POLE: variants seen among roughly 807,000 people sequenced by gnomAD.
POLE encodes DNA polymerase epsilon, catalytic subunit.
In POLE, 188 loss-of-function variants were observed where a neutral mutation model predicts 279.2. The observed-to-expected ratio is 0.67, with a 90% CI of 0.60 to 0.76. The LOEUF (loss-of-function observed/expected upper bound fraction) is 0.76. Ranked by LOEUF, POLE falls within the 30% of genes least tolerant of loss-of-function variation. The pLI, the probability that POLE is intolerant of heterozygous loss-of-function variation, is 0.00. For missense variants in POLE, 2,703 were observed against 3,016.7 expected (o/e 0.90, Z 2.44); for synonymous variants, 1,214 against 1,172.5 (o/e 1.04, Z -0.72).
rs768950827 is a variant in POLE, at chr12:132,665,283, C to T, written c.2468+19G>A. The T allele has an allele frequency of 1.7e-5, 28 of 1,609,410 alleles. No individual in the cohort carries two copies. Among genetic ancestry groups the T allele is most frequent in the Admixed American group, 3.3e-5 (2 of 59,876 alleles). On this transcript the variant is annotated intron_variant, in intron 21 of 48. Transcript: ENST00000320574. The stretch of plus-strand genomic sequence containing the variant: ...ATCCATTCCTCCCATAAGCCTCTCC[C>T]GGGCCCGGGCCCACCTACCCCTTGC...
In POLE at chr12:132,677,609, A is replaced by C. The variant is rs1401947646; in HGVS notation, c.689T>G (p.Ile230Ser). ...GATCTTCAGGTCAATGGAGAGGCGGATGTGGTAGGGAACATCGTACTCGCG... is the reference window on the plus strand; with the variant it reads ...GATCTTCAGGTCAATGGAGAGGCGGCTGTGGTAGGGAACATCGTACTCGCG... Reference protein sequence around the residue: ...DMREYDVPYHIRLSIDLKIHV... With the variant: ...DMREYDVPYHSRLSIDLKIHV... The change falls in exon 7 of 49, where the codon ATC becomes AGC. Residue 230 changes from isoleucine (I) to serine (S), a missense_variant. Physicochemically the swap from Ile to Ser is moderately radical, Grantham distance 142 (BLOSUM62 -2). Transcript: ENST00000320574. 1 of 1,614,054 alleles carries C rather than the reference A, an allele frequency of 6.2e-7. No individual in the cohort carries two copies. Among genetic ancestry groups the C allele is most frequent in the Non-Finnish European group, 8.5e-7 (1 of 1,180,046 alleles).
intron 25 of POLE, chr12:132,660,347 A>G (rs1016112926): frequency 9.2e-5 from 14 of 152,732 alleles, no homozygotes; most frequent in African/African-American, 3.1e-4. Flanking sequence ...CACTCTATAC[A>G]AGACAATATG....
rs1367071115 is a variant in POLE, at chr12:132,665,522, G to A, written c.2320-72C>T. ...ACATTCTACAAAGTCAATAGCCCAG[G>A]TTTTTAGTATTTTGAAAATTTTCAA... On this transcript the variant is annotated intron_variant, in intron 20 of 48. Transcript: ENST00000320574. 3.7e-5 allele frequency: 55 copies of A among 1,493,712 alleles called. 1 individual carries two copies. The Middle Eastern group carries it at 2.7e-3, about 72-fold the overall frequency. 92.5% of individuals were successfully genotyped at this position (1,493,712 alleles called of 1,614,324 possible).
chr12:132,676,814 G>A (rs551560385), intron 8 of POLE, among the ~76,000 whole-genome samples, 161 bp from the exon 9 acceptor site: 1 of 152,208 alleles, frequency 6.6e-6, no homozygotes, highest in East Asian at 1.9e-4. Context: ...TACATCAAGA[G>A]TATCACGACT....
rs551863275 is a variant in POLE, at chr12:132,682,917, C to G, written c.63-1638G>C. Among the ~76,000 whole-genome samples the G allele has an allele frequency of 9.2e-5, 14 of 151,912 alleles. No homozygotes were observed. In the South Asian group the frequency reaches 1.9e-3, roughly 20 times the overall value. On this transcript the variant is annotated intron_variant, in intron 1 of 48. Transcript: ENST00000320574. ...GCAGTGAGCTGGGATCATGCCACTG[C>G]ACTCCAGCCTGGGCGACAGAGCGAG...
chr12:132,646,736 G>A (rs1431020723), intron 32 of POLE, among the ~76,000 whole-genome samples: 5 of 152,074 alleles, frequency 3.3e-5, no homozygotes, highest in Non-Finnish European at 5.9e-5. Context: ...GGAGGCTGAG[G>A]CAGGAGAATT....
chr12:132,676,531 A>G lies in POLE; in HGVS notation c.909+15T>C, dbSNP rs1330329651. On this transcript the variant is annotated intron_variant, in intron 9 of 48. Transcript: ENST00000320574. ...CCCATCCCAGGAGCTTACTTCCCAGAAGCCACCTGCTCACCTGGCCATCGA... is the reference window on the plus strand; with the variant it reads ...CCCATCCCAGGAGCTTACTTCCCAGGAGCCACCTGCTCACCTGGCCATCGA... The G allele has an allele frequency of 6.4e-7, 1 of 1,564,734 alleles. No homozygotes were observed. Among genetic ancestry groups the G allele is most frequent in the Non-Finnish European group, 8.8e-7 (1 of 1,134,862 alleles).
At chr12:132,683,427 C>A (rs1230895245) in intron 1 of POLE, among the ~76,000 whole-genome samples, 1 of 152,110 alleles carries the variant, frequency 6.6e-6, no homozygotes, top group Non-Finnish European at 1.5e-5. Flanking sequence ...ATATAACCAA[C>A]CAGACACTTT....
rs1368389705 is a variant in POLE at position 132,639,386 on chromosome 12, T to C, written c.5379-88A>G. 14 of 1,283,444 alleles carry C rather than the reference T, an allele frequency of 1.1e-5. No individual in the cohort carries two copies. In the Admixed American group the frequency reaches 1.7e-4, roughly 16 times the overall value. 79.5% of individuals were successfully genotyped at this position (1,283,444 alleles called of 1,614,324 possible). ...CGCTCCAACTGAAATGGGCACAGGT[T>C]TTCCCTACACGGCTGGGTCCAAATC... On this transcript the variant is annotated intron_variant, in intron 39 of 48. Transcript: ENST00000320574. The surrounding 1 kb of genome is among the most constrained non-coding windows in gnomAD (Gnocchi z 4.7).
chr12:132,648,702 C>G (rs1213815332), intron 32 of POLE: 22 of 473,668 alleles, frequency 4.6e-5, no homozygotes, highest in Non-Finnish European at 8.2e-5. Flanking sequence ...GCAACATGGA[C>G]CTCGCGGGCA....
Position 132,648,501 on chromosome 12 carries a change from A to T in POLE, c.4149+428T>A, listed in dbSNP as rs5744912. On this transcript the variant is annotated intron_variant, in intron 32 of 48. Transcript: ENST00000320574. ...GGATCCCAGAAATCAAAGTAAAATT[A>T]AAAAAAAGAAAAAAAAAGAAAATGT... 1,324 of 154,528 alleles carry T rather than the reference A, an allele frequency of 8.6e-3. 23 individuals carry two copies. The highest frequency in any genetic ancestry group is 0.03 in the African/African-American group (1,249 of 41,538). 9.6% of individuals were successfully genotyped at this position (154,528 alleles called of 1,614,324 possible).
chr12:132,671,117 G>A (rs1332335722), intron 16 of POLE, among the ~76,000 whole-genome samples: 1 of 151,748 alleles, frequency 6.6e-6, no homozygotes, highest in African/African-American at 2.4e-5. Flanking sequence ...ACAAAAATTG[G>A]CCAGGCATGG....
Position 132,634,202 on chromosome 12 carries a change from G to A in POLE, c.5988C>T (p.Phe1996=), listed in dbSNP as rs756828876. The change falls in exon 43 of 49, where the codon TTC becomes TTT. Residue 1996 remains phenylalanine (F), a synonymous_variant. Transcript: ENST00000320574. The surrounding 1 kb of genome is among the most constrained non-coding windows in gnomAD (Gnocchi z 4.0). ...LPQAASCQNY[F]LMIVSAYIVA... ...TGGGCTTACCTGAAACAATCATGAG[G>A]AAGTAGTTCTGGCAGGAGGCTGCCT... 4 of 1,612,906 alleles carry A rather than the reference G, an allele frequency of 2.5e-6. No homozygotes were observed.
rs749755939 is a variant in POLE, at chr12:132,639,287, C to A, written c.5390G>T (p.Ser1797Ile). 4 of 1,613,816 alleles carry A rather than the reference C, an allele frequency of 2.5e-6. No individual in the cohort carries two copies. The African/African-American group carries it at 4.0e-5, about 16-fold the overall frequency. The change falls in exon 40 of 49, where the codon AGC becomes ATC. Residue 1797 changes from serine (S) to isoleucine (I), a missense_variant. By Grantham distance (142) the Ser-to-Ile change is moderately radical. Coordinates refer to ENST00000320574, the MANE Select transcript of POLE (RefSeq NM_006231.4). This position sits in a 1 kb window ranked among gnomAD's most constrained non-coding sequence, Gnocchi z 4.7. Reference protein sequence around the residue: ...LCSNTFRILKSMVVGWVKEIT... With the variant: ...LCSNTFRILKIMVVGWVKEIT... The stretch of plus-strand genomic sequence containing the variant: ...CTCCTTCACCCAGCCCACGACCATG[C>A]TCTTCAGGATCCTGAAAGAGAAGGT...
rs758251968 is a variant in POLE at position 132,661,496 on chromosome 12, TTC to T, written c.2864+29_2864+30del. 1.2e-6 allele frequency: 2 copies of T among 1,610,972 alleles called. No individual in the cohort carries two copies. Among genetic ancestry groups the T allele is most frequent in the Admixed American group, 1.7e-5 (1 of 59,640 alleles). On this transcript the variant is annotated intron_variant, in intron 24 of 48. Coordinates refer to ENST00000320574, the MANE Select transcript of POLE (RefSeq NM_006231.4). The surrounding 1 kb of genome is among the most constrained non-coding windows in gnomAD (Gnocchi z 4.1). ...TTTAATCTATCTCAATCCATGTCCTTTCTAAAGCACAAAAGCTATGAGAGTCC... is the reference window on the plus strand; with the variant it reads ...TTTAATCTATCTCAATCCATGTCCTTTAAAGCACAAAAGCTATGAGAGTCC...
chr12:132,679,378 A>T (rs2043119037), intron 6 of POLE, 119 bp downstream of exon 6: 1 of 976,926 alleles, frequency 1.0e-6, no homozygotes, highest in Non-Finnish European at 1.5e-6. Flanking sequence ...CTAATTGCTC[A>T]AGTTTTCCGT....
At chr12:132,685,786 T>TC (rs2043245707) in intron 1 of POLE, among the ~76,000 whole-genome samples, 1 of 152,202 alleles carries the variant, frequency 6.6e-6, no homozygotes, top group Non-Finnish European at 1.5e-5. Flanking sequence ...ACAACAGCAG[T>TC]TAGGGATCCT....
intron 39 of POLE, chr12:132,641,174 A>G (rs1593726160): frequency 2.4e-6 from 1 of 415,392 alleles, no homozygotes; most frequent in East Asian, 7.1e-5. Context: ...CACAGCAAGC[A>G]TTGCCCAGCA....
chr12:132,680,684 C>G lies in POLE; in HGVS notation c.208G>C (p.Glu70Gln). The change falls in exon 3 of 49, where the codon GAG (glutamate) becomes CAG (glutamine). Residue 70 changes from glutamate to glutamine, a missense_variant. Transcript: ENST00000320574. ...TGWLINMHPT[E>Q]ILDEDKRLGS... is the part of the protein sequence containing the mutation. The stretch of plus-strand genomic sequence containing the variant: ...AAGCGCTTATCTTCATCTAAAATCT[C>G]GGTCTACAAGAGAATCAGTCAACAC... 1 of 1,612,524 alleles carries G rather than the reference C, an allele frequency of 6.2e-7. No homozygotes were observed. Among genetic ancestry groups the G allele is most frequent in the Non-Finnish European group, 8.5e-7 (1 of 1,178,560 alleles).
Sources: gnomAD v4.1 joint callset for allele counts (sites outside exome capture counted in the v4.1 genomes callset) on GRCh38, gnomAD v4.1.1 for gene constraint, Gnocchi (gnomAD v3.1) non-coding constraint, MANE v1.5 for transcripts, NCBI Gene and HGNC (gene_info 2026-07-23, HGNC 2026-07-21) for gene names.